LRFN5: variants seen among roughly 807,000 people sequenced by gnomAD.
LRFN5 encodes leucine rich repeat and fibronectin type III domain containing 5, also known as leucine-rich repeat and fibronectin type-III domain-containing protein 5.
A neutral mutation model predicts 45.6 loss-of-function variants in LRFN5; 24 were observed. The ratio of observed to expected loss-of-function variants is 0.53; its 90% CI spans 0.38 to 0.74. The LOEUF is 0.74. Ranked by LOEUF, LRFN5 falls within the 30% of genes least tolerant of loss-of-function variation. The pLI is 0.00. For synonymous variants in LRFN5, 340 were observed against 313.8 expected (o/e 1.08, Z -0.88); for missense variants, 776 against 861.5 (o/e 0.90, Z 1.24).
At chr14:41,723,131 C>G (rs889478433) in intron 1 of LRFN5, among the ~76,000 whole-genome samples, 3 of 152,176 alleles carry the variant, frequency 2.0e-5, no homozygotes, top group African/African-American at 7.2e-5. Flanking sequence ...AGCACGATCG[C>G]TCCACAAGAA....
chr14:41,624,004 A>G (rs1217565025), intron 1 of LRFN5, among the ~76,000 whole-genome samples: 1 of 152,136 alleles, frequency 6.6e-6, no homozygotes, highest in Admixed American at 6.6e-5. Flanking sequence ...TAATGTAACT[A>G]GTTTAATAAA....
At chr14:41,815,679 A>C (rs946378673) in intron 2 of LRFN5, among the ~76,000 whole-genome samples, 2 of 151,964 alleles carry the variant, frequency 1.3e-5, no homozygotes, top group African/African-American at 4.8e-5. Context: ...TCAAAGCTGC[A>C]CTCCAGCCTG....
intron 5 of LRFN5, 31 bp from the exon 6 acceptor site, chr14:41,904,127 T>G: frequency 6.5e-7 from 1 of 1,544,790 alleles, no homozygotes; most frequent in Non-Finnish European, 8.9e-7. Flanking sequence ...CTTTCTTTCT[T>G]TTTTTCCTTT....
chr14:41,638,799 GTAA>G (rs951685010), intron 1 of LRFN5, among the ~76,000 whole-genome samples: 6 of 151,928 alleles, frequency 3.9e-5, no homozygotes, highest in African/African-American at 9.7e-5. Flanking sequence ...ATAAAGCATA[GTAA>G]TAATGATAAA....
intron 2 of LRFN5, among the ~76,000 whole-genome samples, chr14:41,784,041 C>G (rs1290039710): frequency 1.3e-5 from 2 of 152,038 alleles, no homozygotes; most frequent in East Asian, 3.9e-4. Flanking sequence ...ATGTAAGGAG[C>G]TGGGTAGGAT....
chr14:41,701,732 G>A (rs17112192), intron 1 of LRFN5, among the ~76,000 whole-genome samples: 30,876 of 152,054 alleles, frequency 0.2, 3,366 homozygotes, highest in Non-Finnish European at 0.26. Context: ...ATCACCAAGA[G>A]GACTCGTTGT....
chr14:41,774,919 AG>A (rs1400106998), intron 2 of LRFN5, among the ~76,000 whole-genome samples: 1 of 152,126 alleles, frequency 6.6e-6, no homozygotes, highest in South Asian at 2.1e-4. Context: ...GTGATCTTGC[AG>A]GGGGGTAGCT....
At chr14:41,781,865 C>T (rs1886541353) in intron 2 of LRFN5, among the ~76,000 whole-genome samples, 1 of 152,008 alleles carries the variant, frequency 6.6e-6, no homozygotes, top group South Asian at 2.1e-4. Context: ...GTATTCTATT[C>T]CACTTTCTTA....
intron 2 of LRFN5, among the ~76,000 whole-genome samples, chr14:41,829,898 T>C (rs1203318589): frequency 6.6e-6 from 1 of 151,382 alleles, no homozygotes; most frequent in African/African-American, 2.4e-5. Flanking sequence ...AATGCTTAGT[T>C]CATCTATATT....
At chr14:41,773,856 T>C (rs1403210819) in intron 2 of LRFN5, among the ~76,000 whole-genome samples, 5 of 152,226 alleles carry the variant, frequency 3.3e-5, no homozygotes, top group African/African-American at 1.2e-4. Flanking sequence ...ATATTGTCTC[T>C]TTTAAATAAA....
chr14:41,897,073 A>G (rs1348787828), intron 4 of LRFN5, among the ~76,000 whole-genome samples: 2 of 151,576 alleles, frequency 1.3e-5, no homozygotes, highest in Non-Finnish European at 2.9e-5. Flanking sequence ...GCCTGGTGAC[A>G]GAGTGAGACT....
At chr14:41,770,747 G>T (rs933665505) in intron 2 of LRFN5, among the ~76,000 whole-genome samples, 9 of 152,116 alleles carry the variant, frequency 5.9e-5, no homozygotes, top group African/African-American at 2.2e-4. Context: ...CTGGGCAGAG[G>T]GTTCAAGCTG....
intron 2 of LRFN5, among the ~76,000 whole-genome samples, chr14:41,871,657 G>T (rs1464747552): frequency 6.6e-6 from 1 of 151,576 alleles, no homozygotes; most frequent in Non-Finnish European, 1.5e-5. Context: ...CATACTTATT[G>T]TTTGCAAAGC....
At chr14:41,757,691 C>A (rs1885468343) in intron 1 of LRFN5, among the ~76,000 whole-genome samples, 1 of 152,194 alleles carries the variant, frequency 6.6e-6, no homozygotes, top group African/African-American at 2.4e-5. Context: ...AATTCCCTGA[C>A]CCCTTGCGCT....
At chr14:41,870,357 G>A (rs1040591780) in intron 2 of LRFN5, among the ~76,000 whole-genome samples, 7 of 152,070 alleles carry the variant, frequency 4.6e-5, no homozygotes, top group African/African-American at 1.7e-4. Flanking sequence ...CTGTTTTCCT[G>A]CTGCTAATAA....
At chr14:41,613,264 G>A (rs1420838300) in intron 1 of LRFN5, among the ~76,000 whole-genome samples, 1 of 151,984 alleles carries the variant, frequency 6.6e-6, no homozygotes, top group Non-Finnish European at 1.5e-5. Context: ...TCTTCTTTGG[G>A]CATATACCCA....
intron 2 of LRFN5, among the ~76,000 whole-genome samples, chr14:41,792,973 G>T (rs539623941): frequency 1.5e-5 from 2 of 137,638 alleles, no homozygotes; most frequent in East Asian, 2.4e-4. Flanking sequence ...ATAGGAAGGG[G>T]AACATCACAC....
At chr14:41,837,041 G>A (rs948879813) in intron 2 of LRFN5, among the ~76,000 whole-genome samples, 1 of 151,884 alleles carries the variant, frequency 6.6e-6, no homozygotes, top group Non-Finnish European at 1.5e-5. Context: ...TCCCCACACA[G>A]GAAGATTGCT....
intron 1 of LRFN5, among the ~76,000 whole-genome samples, chr14:41,741,687 A>G (rs180882539): frequency 2.6e-5 from 4 of 151,852 alleles, no homozygotes; most frequent in African/African-American, 7.2e-5. Context: ...AAGCAAAAAT[A>G]GACAGAGGAT....
Sources: gnomAD v4.1 joint callset for allele counts (sites outside exome capture counted in the v4.1 genomes callset) on GRCh38, gnomAD v4.1.1 for gene constraint, MANE v1.5 for transcripts, NCBI Gene and HGNC (gene_info 2026-07-23, HGNC 2026-07-21) for gene names.